The following DUSP4 variants were observed in gnomAD, a reference collection of about 807,000 sequenced individuals.
The protein encoded by DUSP4 is dual specificity phosphatase 4.
In DUSP4, 12 loss-of-function variants were observed where a neutral mutation model predicts 27.2. The ratio of observed to expected loss-of-function variants is 0.44; its 90% confidence interval spans 0.28 to 0.71. The LOEUF is 0.71. DUSP4 is among the 30% of genes least tolerant of loss of function. The pLI is 0.14. For synonymous variants in DUSP4, 257 were observed against 245.2 expected, an observed-to-expected ratio of 1.05 and a Z score of -0.45; for missense variants, 448 against 551.3, an observed-to-expected ratio of 0.81 and a Z score of 1.88.
rs897413956 is a variant in DUSP4 at position 29,337,929 on chromosome 8, C to A, written c.799+353G>T. ...TGGCGCCACTGCACTCCAGCCTGGG[C>A]AACAGAGCAAGGCTCTGTCTCAAAA... is the stretch of plus-strand genomic sequence containing the variant. On this transcript the variant is annotated intron_variant, in intron 3 of 3. Transcript: ENST00000240100. The surrounding 1 kb of genome is among the most constrained non-coding windows in gnomAD (Gnocchi z 6.4). Among the ~76,000 whole-genome samples the A allele has an allele frequency of 6.6e-6, 1 of 151,722 alleles. No individual in the cohort carries two copies. Among genetic ancestry groups the A allele is most frequent in the Non-Finnish European group, 1.5e-5 (1 of 67,856 alleles).
At chr8:29,338,782 C>T (rs1052208385) in intron 2 of DUSP4, among the ~76,000 whole-genome samples, 4 of 152,180 alleles carry the variant, frequency 2.6e-5, no homozygotes, top group Admixed American at 6.5e-5. Flanking sequence ...GCAAAATAAG[C>T]GGCAGGACAA....
chr8:29,350,253 T>G lies in DUSP4; in HGVS notation c.26A>C (p.Glu9Ala), dbSNP rs1817803315. 1 of 1,589,918 alleles carries G rather than the reference T, an allele frequency of 6.3e-7. No homozygotes were observed. Among genetic ancestry groups the G allele is most frequent in the South Asian group, 1.1e-5 (1 of 88,854 alleles). The change falls in exon 1 of 4, where the codon GAG becomes GCG. Residue 9 changes from glutamate to alanine, a missense_variant. Around this residue, in one of 3 missense-constraint regions of DUSP4, gnomAD observed 345 missense variants for 394.0 expected, o/e 0.88. Transcript: ENST00000240100. MVTMEELR[E>A]MDCSVLKRLM... The stretch of plus-strand genomic sequence containing the variant: ...CCTTTTGAGCACACTGCAGTCCATC[T>G]CCCGCAGCTCCTCCATCGTCACCAT...
chr8:29,349,795 A>T, intron 1 of DUSP4, 51 bp downstream of exon 1: 2 of 1,444,144 alleles, frequency 1.4e-6, no homozygotes, highest in Non-Finnish European at 9.0e-7. Flanking sequence ...CAGGCCGCCA[A>T]GACCCCCTCC....
At chr8:29,348,477 A>G (rs912781457) in intron 1 of DUSP4, 2 of 985,472 alleles carry the variant, frequency 2.0e-6, no homozygotes, top group African/African-American at 3.5e-5. Context: ...CTCGCGGAAA[A>G]AGAAAGAAAA....
At position 29,349,865 on chromosome 8, in the gene DUSP4, G is replaced by C; in HGVS notation, c.414C>G (p.Thr138=). ...GTTTACCTTTGAGCAGGCAGATGTCGGTGCGCTCGGCGTTGCGGCGCAGCG... is the reference window on the plus strand; with the variant it reads ...GTTTACCTTTGAGCAGGCAGATGTCCGTGCGCTCGGCGTTGCGGCGCAGCG... ...VQALRRNAER[T]DICLLKGGYE... Residue 138 remains threonine, a synonymous_variant, in exon 1 of 4, where the codon ACC becomes ACG. Coordinates refer to ENST00000240100, the MANE Select transcript of DUSP4 (RefSeq NM_001394.7). The C allele has an allele frequency of 6.6e-7, 1 of 1,505,440 alleles. No individual in the cohort carries two copies. The highest frequency in any genetic ancestry group is 1.3e-5 in the South Asian group (1 of 76,088). 93.3% of individuals were successfully genotyped at this position (1,505,440 alleles called of 1,614,324 possible).
At chr8:29,348,174 C>T in intron 1 of DUSP4, 2 of 985,588 alleles carry the variant, frequency 2.0e-6, no homozygotes, top group Non-Finnish European at 1.2e-6. Context: ...CGAAGGAAGG[C>T]GCGCCCGCGC....
chr8:29,345,490 CA>C (rs761418616), intron 1 of DUSP4: 32 of 1,599,282 alleles, frequency 2.0e-5, no homozygotes, highest in Non-Finnish European at 2.6e-5. Context: ...CTGCTATGTT[CA>C]GCAAACTGGC....
chr8:29,340,084 C>A lies in DUSP4; in HGVS notation c.579+14G>T, dbSNP rs1009575987. 1.2e-5 allele frequency: 18 copies of A among 1,555,136 alleles called. No individual in the cohort carries two copies. The highest frequency in any genetic ancestry group is 1.5e-5 in the Non-Finnish European group (17 of 1,149,566). On this transcript the variant is annotated intron_variant, in intron 2 of 3. Coordinates refer to ENST00000240100, the MANE Select transcript of DUSP4 (RefSeq NM_001394.7). ...TCCTGCCCCCCACTTCCAAGCCCTG[C>A]CCCCCGAGTCTACCTGGTCGTGTAG...
intron 2 of DUSP4, 145 bp downstream of exon 2, chr8:29,339,953 T>A (rs1817632943): frequency 8.8e-7 from 1 of 1,131,568 alleles, no homozygotes; most frequent in African/African-American, 1.6e-5. Flanking sequence ...TAAGCTATGA[T>A]CACACCACTG....
At chr8:29,345,538 C>T (rs756794160) in intron 1 of DUSP4, 2 of 1,552,600 alleles carry the variant, frequency 1.3e-6, no homozygotes, top group East Asian at 2.4e-5. Context: ...ATCGTGCTTC[C>T]TCTTCGTTAG....
rs113228022 is a variant in DUSP4, at chr8:29,350,197, C to T, written c.82G>A (p.Ala28Thr). 4,092 of 1,607,774 alleles carry T rather than the reference C, an allele frequency of 2.5e-3. 14 individuals are homozygous for T. Among genetic ancestry groups the T allele is most frequent in the Non-Finnish European group, 3.3e-3 (3,865 of 1,178,080 alleles). The change falls in exon 1 of 4, where the codon GCG becomes ACG. Residue 28 changes from alanine (A) to threonine (T), a missense_variant. This residue lies in a region of DUSP4 where 345 missense variants were observed against 394.0 expected (regional missense o/e 0.88). Coordinates refer to ENST00000240100, the MANE Select transcript of DUSP4 (RefSeq NM_001394.7). ...GTGCCGTGGCTGCCGCTGCCGCCCG[C>T]GCCGCCGCCATTCTCGTCCCGGTTC... ...LMNRDENGGG[A>T]GGSGSHGTLG...
At chr8:29,345,674 C>G in intron 1 of DUSP4, 1 of 1,429,996 alleles carries the variant, frequency 7.0e-7, no homozygotes. Context: ...CTGAGCAGTC[C>G]ATTTTTGTGG....
chr8:29,339,987 C>T, intron 2 of DUSP4, 111 bp downstream of exon 2: 1 of 1,384,352 alleles, frequency 7.2e-7, no homozygotes, highest in Admixed American at 2.4e-5. Flanking sequence ...CAGAGCAAGA[C>T]TGTCTCAAAA....
rs140003658 is a variant in DUSP4, at chr8:29,348,543, C to A, written c.433+1303G>T. 1.5e-4 allele frequency: 147 copies of A among 985,582 alleles called. 1 individual carries two copies. The East Asian group carries it at 0.015, about 98-fold the overall frequency. 61.1% of individuals were successfully genotyped at this position (985,582 alleles called of 1,614,324 possible). On this transcript the variant is annotated intron_variant, in intron 1 of 3. Transcript: ENST00000240100. ...AAGGTCAACAGCAGCGTTTCCCCAG[C>A]AGCTGACAGGTCAAATGGGCAGGAA...
At chr8:29,338,629 C>T (rs972820668) in intron 2 of DUSP4, 128 bp from the exon 3 acceptor site, 25 of 1,011,778 alleles carry the variant, frequency 2.5e-5, no homozygotes, top group Non-Finnish European at 3.5e-5. Flanking sequence ...GGGCCTGGCC[C>T]TCCCAGCCTC....
intron 1 of DUSP4, among the ~76,000 whole-genome samples, chr8:29,341,406 A>C (rs911647442): frequency 6.6e-6 from 1 of 152,160 alleles, no homozygotes; most frequent in African/African-American, 2.4e-5. Context: ...CCAAATCCCA[A>C]CCCTAAAGAC....
Position 29,338,219 on chromosome 8 carries a change from A to G in DUSP4, c.799+63T>C, listed in dbSNP as rs1023455132. 1.6e-5 allele frequency: 24 copies of G among 1,544,802 alleles called. No homozygotes were observed. The African/African-American group carries it at 2.2e-4, about 14-fold the overall frequency. On this transcript the variant is annotated intron_variant, in intron 3 of 3. Coordinates refer to ENST00000240100, the MANE Select transcript of DUSP4 (RefSeq NM_001394.7). Reference sequence around the variant, plus strand: ...ATGTCCACCTTCAACCCAGGCTTACAGGGGTTCCTTATCCTTCCCACCCGC... The same window carrying G: ...ATGTCCACCTTCAACCCAGGCTTACGGGGGTTCCTTATCCTTCCCACCCGC...
In DUSP4 at chr8:29,349,963, T is replaced by C; in HGVS notation, c.316A>G (p.Ile106Val). 6.3e-7 allele frequency: 1 copy of C among 1,589,152 alleles called. No individual in the cohort carries two copies. Among genetic ancestry groups the C allele is most frequent in the Non-Finnish European group, 8.5e-7 (1 of 1,171,876 alleles). ...CGCGGGCTGCGCTCGTCGTAGACGATGACCGCCGAGTAGAGGCCGGAGCGC... is the reference window on the plus strand; with the variant it reads ...CGCGGGCTGCGCTCGTCGTAGACGACGACCGCCGAGTAGAGGCCGGAGCGC... ...RLRSGLYSAV[I>V]VYDERSPRAE... Residue 106 changes from isoleucine (I) to valine (V), a missense_variant, in exon 1 of 4, where the codon ATC becomes GTC. Transcript: ENST00000240100.
At chr8:29,340,613 T>C (rs574288576) in intron 1 of DUSP4, among the ~76,000 whole-genome samples, 1 of 151,734 alleles carries the variant, frequency 6.6e-6, no homozygotes, top group African/African-American at 2.4e-5. Flanking sequence ...GGACACTAAG[T>C]ACCTGTAGAG....
Sources: allele counts gnomAD v4.1 joint callset (sites outside exome capture counted in the v4.1 genomes callset), GRCh38; gene constraint gnomAD v4.1.1; regional missense constraint gnomAD v4.1.1; non-coding constraint Gnocchi (gnomAD v3.1); transcripts MANE v1.5; gene names NCBI Gene and HGNC (gene_info 2026-07-23, HGNC 2026-07-21).